PNO1: variants seen among roughly 807,000 people sequenced by gnomAD.
PNO1 encodes the protein partner of NOB1 homolog, also known as RNA-binding protein PNO1.
In PNO1, 16 loss-of-function variants were observed where a neutral mutation model predicts 28.4. That is an observed-to-expected ratio of 0.56 (90% CI 0.38 to 0.85). The LOEUF is 0.85. Ranked by LOEUF, PNO1 falls within the 40% of genes least tolerant of loss-of-function variation. PNO1 has a pLI of 0.00. For missense variants in PNO1, 304 were observed against 312.2 expected (o/e 0.97, Z 0.20); for synonymous variants, 115 against 110.8 (o/e 1.04, Z -0.24).
chr2:68,168,242 C>A (rs1383917738), intron 5 of PNO1, among the ~76,000 whole-genome samples: 2 of 152,198 alleles, frequency 1.3e-5, no homozygotes, highest in Non-Finnish European at 2.9e-5. Flanking sequence ...AAATGTACAA[C>A]CCCTGGTCGC....
chr2:68,175,135 T>G lies in PNO1; in HGVS notation c.*333T>G, dbSNP rs935256061. Reference sequence around the variant, plus strand: ...TAAACAGCTCTATATGGATTTATACTTTTATATTTATAAATTTATAACTTC... The same window carrying G: ...TAAACAGCTCTATATGGATTTATACGTTTATATTTATAAATTTATAACTTC... On this transcript the variant is annotated 3_prime_UTR_variant, in exon 7 of 7. Transcript: ENST00000263657. 1 of 175,758 alleles carries G rather than the reference T, an allele frequency of 5.7e-6. No homozygotes were observed. The highest frequency in any genetic ancestry group is 2.4e-5 in the African/African-American group (1 of 42,408). 10.9% of individuals were successfully genotyped at this position (175,758 alleles called of 1,614,324 possible). A position where few individuals can be genotyped will look rare whatever the true frequency, so the allele number is the denominator to read the frequency against.
chr2:68,161,157 T>G (rs1353680980), intron 2 of PNO1: 2 of 465,544 alleles, frequency 4.3e-6, no homozygotes, highest in African/African-American at 2.0e-5. Context: ...TCTGCATTTC[T>G]CAAATAAACT....
At chr2:68,170,826 A>G (rs1424584000) in intron 5 of PNO1, among the ~76,000 whole-genome samples, 1 of 151,184 alleles carries the variant, frequency 6.6e-6, no homozygotes, top group East Asian at 1.9e-4. Context: ...ACCAATTTCA[A>G]CTCTTTTAGC....
In PNO1 at chr2:68,170,469, CG is replaced by C. The variant is rs1367112900; in HGVS notation, c.621-2875del. On this transcript the variant is annotated intron_variant, in intron 5 of 6. Coordinates refer to ENST00000263657, the MANE Select transcript of PNO1 (RefSeq NM_020143.4). ...TAGTTTTAAAAAGCCAAATATTGGCCGGGCGTGATGGCTCACACCTGTAATC... is the reference window on the plus strand; with the variant it reads ...TAGTTTTAAAAAGCCAAATATTGGCCGGCGTGATGGCTCACACCTGTAATC... 2.0e-4 allele frequency among the ~76,000 whole-genome samples: 30 copies of C among 152,156 alleles called. 1 individual carries two copies.
At chr2:68,161,540 C>T (rs1673830793) in intron 2 of PNO1, 143 bp from the exon 3 acceptor site, 1 of 629,590 alleles carries the variant, frequency 1.6e-6, no homozygotes, top group Non-Finnish European at 2.9e-6. Context: ...CTGACCAGAA[C>T]CTGTGTCATA....
rs1309528315 is a variant in PNO1 at position 68,175,054 on chromosome 2, A to G, written c.*252A>G. On this transcript the variant is annotated 3_prime_UTR_variant, in exon 7 of 7. Coordinates refer to ENST00000263657, the MANE Select transcript of PNO1 (RefSeq NM_020143.4). ...TAGGTATAATTTATCATTTATCTGA[A>G]ATCACATGTAGCAGATTGCATAGTC... is the stretch of plus-strand genomic sequence containing the variant. 8 of 366,950 alleles carry G rather than the reference A, an allele frequency of 2.2e-5. No homozygotes were observed. Among genetic ancestry groups the G allele is most frequent in the Admixed American group, 1.7e-4 (4 of 23,830 alleles). 22.7% of individuals were successfully genotyped at this position (366,950 alleles called of 1,614,324 possible).
At chr2:68,173,243 C>T in intron 5 of PNO1, 104 bp from the exon 6 acceptor site, 1 of 738,600 alleles carries the variant, frequency 1.4e-6, no homozygotes. Flanking sequence ...TCTCAGACTC[C>T]TGGCCACAAA....
rs910210795 is a variant in PNO1 at position 68,175,676 on chromosome 2, A to G, written c.*874A>G. 6.6e-6 allele frequency: 1 copy of G among 152,132 alleles called. No individual in the cohort carries two copies. Among genetic ancestry groups the G allele is most frequent in the Non-Finnish European group, 1.5e-5 (1 of 68,020 alleles). 9.4% of individuals were successfully genotyped at this position (152,132 alleles called of 1,614,324 possible). A position where few individuals can be genotyped will look rare whatever the true frequency, so the allele number is the denominator to read the frequency against. ...TGTTTTGCAGTTTCTTGCAGTTTCA[A>G]AAATTAAAGACCTACATCACAGGGT... On this transcript the variant is annotated 3_prime_UTR_variant, in exon 7 of 7. Coordinates refer to ENST00000263657, the MANE Select transcript of PNO1 (RefSeq NM_020143.4).
Position 68,161,670 on chromosome 2 carries a change from T to G in PNO1, c.358-13T>G. 6.5e-7 allele frequency: 1 copy of G among 1,544,830 alleles called. No homozygotes were observed. ...CTCAACGGTATTTTGTACCCTTTTT[T>G]GTTTTTTAACAGACTTGTAAAGAAA... On this transcript the variant is annotated splice_polypyrimidine_tract_variant and intron_variant, in intron 2 of 6. Coordinates refer to ENST00000263657, the MANE Select transcript of PNO1 (RefSeq NM_020143.4).
chr2:68,174,179 A>C lies in PNO1; in HGVS notation c.692-556A>C, dbSNP rs1037069157. Among the ~76,000 whole-genome samples the C allele has an allele frequency of 2.6e-5, 4 of 152,196 alleles. No individual in the cohort carries two copies. The East Asian group carries it at 7.7e-4, about 29-fold the overall frequency. On this transcript the variant is annotated intron_variant, in intron 6 of 6. Coordinates refer to ENST00000263657, the MANE Select transcript of PNO1 (RefSeq NM_020143.4). ...AGAAAATTGGGATTTTCTGGTTCTC[A>C]GGCCTCAGTGATTGGCTTCTTTTTG... is the stretch of plus-strand genomic sequence containing the variant.
At position 68,163,801 on chromosome 2, in the gene PNO1, A is replaced by G. The variant is rs1673906616; in HGVS notation, c.620+1138A>G. 2.0e-5 allele frequency among the ~76,000 whole-genome samples: 3 copies of G among 152,326 alleles called. No individual in the cohort carries two copies. The South Asian group carries it at 6.2e-4, about 32-fold the overall frequency. The stretch of plus-strand genomic sequence containing the variant: ...GAGAGGGGCTTAAAATAAAGGTGCC[A>G]GAAGTGAAGCTGGGATTACCCCTGT... On this transcript the variant is annotated intron_variant, in intron 5 of 6. Coordinates refer to ENST00000263657, the MANE Select transcript of PNO1 (RefSeq NM_020143.4).
intron 5 of PNO1, among the ~76,000 whole-genome samples, chr2:68,168,990 G>A (rs1219358455): frequency 4.5e-5 from 6 of 133,278 alleles, no homozygotes; most frequent in Non-Finnish European, 7.7e-5. Flanking sequence ...GTGCAGTGGT[G>A]CAATCTCGGC....
chr2:68,166,459 G>T (rs1484586788), intron 5 of PNO1, among the ~76,000 whole-genome samples: 1 of 152,160 alleles, frequency 6.6e-6, no homozygotes, highest in Non-Finnish European at 1.5e-5. Context: ...GTGGAAGTGG[G>T]TTATCATAAA....
chr2:68,161,328 A>G, intron 2 of PNO1: 1 of 476,790 alleles, frequency 2.1e-6, no homozygotes, highest in South Asian at 1.6e-5. Context: ...GAGAGAAGAG[A>G]AGAGGACATT....
rs751443723 is a variant in PNO1, at chr2:68,162,578, G to T, written c.535G>T (p.Ala179Ser). 2 of 1,613,522 alleles carry T rather than the reference G, an allele frequency of 1.2e-6. No homozygotes were observed. Among genetic ancestry groups the T allele is most frequent in the Admixed American group, 3.3e-5 (2 of 59,992 alleles). Residue 179 changes from alanine to serine, a missense_variant, in exon 5 of 7, where the codon GCA becomes TCA. By Grantham distance (99) the Ala-to-Ser change is moderately conservative. Transcript: ENST00000263657. The part of the protein sequence containing the change: ...KPLKGDHLSR[A>S]IGRIAGKGGK... ...CCTAAAGGGAGACCATCTATCCAGGGCAATAGGAAGAATCGCTGGCAAAGG... is the reference window on the plus strand; with the variant it reads ...CCTAAAGGGAGACCATCTATCCAGGTCAATAGGAAGAATCGCTGGCAAAGG...
intron 5 of PNO1, among the ~76,000 whole-genome samples, chr2:68,167,654 C>T (rs1674027947): frequency 6.6e-6 from 1 of 152,148 alleles, no homozygotes; most frequent in Non-Finnish European, 1.5e-5. Flanking sequence ...GGACGTTTTT[C>T]ATCTGCACAA....
chr2:68,167,923 GTCTT>G (rs1161825617), intron 5 of PNO1, among the ~76,000 whole-genome samples: 1 of 152,118 alleles, frequency 6.6e-6, no homozygotes, highest in East Asian at 1.9e-4. Flanking sequence ...CTATAGATGT[GTCTT>G]TCTTAGAACA....
At chr2:68,168,837 G>A (rs928025825) in intron 5 of PNO1, among the ~76,000 whole-genome samples, 5 of 150,932 alleles carry the variant, frequency 3.3e-5, no homozygotes, top group Non-Finnish European at 1.5e-5. Flanking sequence ...ATGGTCCTAT[G>A]GTATAGTCAT....
intron 5 of PNO1, among the ~76,000 whole-genome samples, chr2:68,163,544 C>A (rs7556738): frequency 0.044 from 5,980 of 137,394 alleles, 360 homozygotes; most frequent in African/African-American, 0.15. Context: ...TAAATAAATA[C>A]ATACATACAT....
Sources: gnomAD v4.1 joint callset for allele counts (sites outside exome capture counted in the v4.1 genomes callset) on GRCh38, gnomAD v4.1.1 for gene constraint, MANE v1.5 for transcripts, NCBI Gene and HGNC (gene_info 2026-07-23, HGNC 2026-07-21) for gene names.